Variants in TOX observed in about 807,000 individuals in gnomAD.
TOX encodes the protein thymocyte selection-associated high mobility group box protein TOX.
Under a neutral mutation model 53.7 loss-of-function variants are expected in TOX, and 11 were observed. That is an observed-to-expected ratio of 0.20 (90% CI 0.13 to 0.34). The LOEUF is 0.34. TOX is among the 10% of genes least tolerant of loss of function. The probability of loss-of-function intolerance (pLI) is 1.00; values close to 1 mark genes in which losing one functional copy is unlikely to be tolerated. For synonymous variants in TOX, 225 were observed against 245.3 expected (o/e 0.92, Z 0.77); for missense variants, 570 against 664.6 (o/e 0.86, Z 1.56).
intron 3 of TOX, among the ~76,000 whole-genome samples, chr8:58,937,900 G>C (rs1428593546): frequency 6.6e-6 from 1 of 152,060 alleles, no homozygotes; most frequent in Non-Finnish European, 1.5e-5. Flanking sequence ...GAAGTAGGCA[G>C]GTGATTTTTC....
chr8:58,963,439 T>C (rs1455292725), intron 1 of TOX, among the ~76,000 whole-genome samples: 2 of 152,162 alleles, frequency 1.3e-5, no homozygotes, highest in African/African-American at 2.4e-5. Context: ...CTTTTAAAAA[T>C]TACTATCAGG....
chr8:58,936,261 C>T (rs948526434), intron 3 of TOX, among the ~76,000 whole-genome samples: 3 of 152,106 alleles, frequency 2.0e-5, no homozygotes, highest in Non-Finnish European at 4.4e-5. Context: ...CTTGGTTTAT[C>T]CAAATCAAAG....
chr8:59,076,905 A>G (rs1330686803), intron 1 of TOX, among the ~76,000 whole-genome samples: 1 of 152,248 alleles, frequency 6.6e-6, no homozygotes, highest in Non-Finnish European at 1.5e-5. Flanking sequence ...GACATAATCA[A>G]TCAGTATCAA....
intron 1 of TOX, among the ~76,000 whole-genome samples, chr8:59,103,797 C>T (rs1229822818): frequency 6.6e-6 from 1 of 152,168 alleles, no homozygotes; most frequent in Admixed American, 6.5e-5. Flanking sequence ...TACCACTAAG[C>T]AAGCTATTTC....
intron 1 of TOX, among the ~76,000 whole-genome samples, chr8:59,030,639 T>C (rs1338587230): frequency 1.3e-5 from 2 of 152,212 alleles, no homozygotes; most frequent in Non-Finnish European, 2.9e-5. Context: ...TGAGCTGTTC[T>C]AGAGTTCCTT....
intron 1 of TOX, among the ~76,000 whole-genome samples, chr8:58,990,553 C>T (rs895479126): frequency 5.3e-5 from 8 of 152,068 alleles, no homozygotes; most frequent in African/African-American, 1.4e-4. Flanking sequence ...GTTTCCTCTA[C>T]ATATCATACT....
chr8:58,980,340 G>A (rs556193118), intron 1 of TOX, among the ~76,000 whole-genome samples: 16 of 152,166 alleles, frequency 1.1e-4, no homozygotes, highest in Admixed American at 2.6e-4. Flanking sequence ...GGGAGCTGCC[G>A]CTTGGCCTGT....
At chr8:58,807,909 GT>G in intron 8 of TOX, 126 bp from the exon 9 acceptor site, 5 of 1,336,304 alleles carry the variant, frequency 3.7e-6, no homozygotes, top group Non-Finnish European at 5.3e-6. Flanking sequence ...ACTGCAATTA[GT>G]TAACCTACAT....
At chr8:59,084,560 TTTGTCATGAGGG>T (rs1413754564) in intron 1 of TOX, among the ~76,000 whole-genome samples, 2 of 152,162 alleles carry the variant, frequency 1.3e-5, no homozygotes, top group African/African-American at 4.8e-5. Context: ...CTGATGAAAT[TTTGTCATGAGGG>T]TTATTTTTAC....
intron 3 of TOX, among the ~76,000 whole-genome samples, chr8:58,915,008 G>A (rs1174438390): frequency 1.3e-5 from 2 of 150,988 alleles, no homozygotes; most frequent in Non-Finnish European, 3.0e-5. Flanking sequence ...TTAAAAAACG[G>A]CGCACCACGA....
intron 1 of TOX, among the ~76,000 whole-genome samples, chr8:59,096,813 T>C (rs932014102): frequency 6.6e-6 from 1 of 152,066 alleles, no homozygotes; most frequent in Non-Finnish European, 1.5e-5. Context: ...CATCTCTTTC[T>C]GTGAAAAAAA....
chr8:58,994,766 A>G (rs1280646278), intron 1 of TOX, among the ~76,000 whole-genome samples: 1 of 152,188 alleles, frequency 6.6e-6, no homozygotes, highest in Non-Finnish European at 1.5e-5. Flanking sequence ...CCTGACTCCC[A>G]TTCCCACACA....
chr8:59,064,932 T>C (rs948113690), intron 1 of TOX, among the ~76,000 whole-genome samples: 1 of 152,188 alleles, frequency 6.6e-6, no homozygotes, highest in Non-Finnish European at 1.5e-5. Flanking sequence ...TCCAGGTTTC[T>C]AAAAGGGGCC....
intron 2 of TOX, among the ~76,000 whole-genome samples, chr8:58,959,544 G>A (rs1213678796): frequency 2.0e-5 from 3 of 152,146 alleles, no homozygotes; most frequent in Admixed American, 6.5e-5. Flanking sequence ...CGAACGTTAC[G>A]TTTTGTTGAA....
At chr8:58,877,617 G>T (rs1467630627) in intron 3 of TOX, among the ~76,000 whole-genome samples, 1 of 152,174 alleles carries the variant, frequency 6.6e-6, no homozygotes, top group African/African-American at 2.4e-5. Context: ...CACCACCAAA[G>T]ATATATGTAA....
At chr8:58,936,977 A>T (rs1429976749) in intron 3 of TOX, among the ~76,000 whole-genome samples, 1 of 152,238 alleles carries the variant, frequency 6.6e-6, no homozygotes, top group African/African-American at 2.4e-5. Flanking sequence ...GCTGTTGGAC[A>T]GCACAGATTA....
At chr8:58,883,230 C>CGTG in intron 3 of TOX, among the ~76,000 whole-genome samples, 1 of 152,308 alleles carries the variant, frequency 6.6e-6, no homozygotes, top group Admixed American at 6.5e-5. Flanking sequence ...CATTACTGAG[C>CGTG]TCACTATCAC....
chr8:58,894,114 G>C (rs1025857717), intron 3 of TOX, among the ~76,000 whole-genome samples: 9 of 152,134 alleles, frequency 5.9e-5, no homozygotes, highest in African/African-American at 2.2e-4. Flanking sequence ...ATATCCAATT[G>C]CACTCGTGTG....
chr8:58,817,389 TAAA>T (rs1196696968), intron 6 of TOX, among the ~76,000 whole-genome samples: 1 of 143,476 alleles, frequency 7.0e-6, no homozygotes, highest in Non-Finnish European at 1.5e-5. Context: ...TGCTTTTCAT[TAAA>T]AAAAAAAAAC....
Sources: gnomAD v4.1 joint callset for allele counts (sites outside exome capture counted in the v4.1 genomes callset) on GRCh38, gnomAD v4.1.1 for gene constraint, MANE v1.5 for transcripts, NCBI Gene and HGNC (gene_info 2026-07-23, HGNC 2026-07-21) for gene names.